ARHGEF3: variants seen among roughly 807,000 people sequenced by gnomAD.
ARHGEF3 encodes the protein Rho guanine nucleotide exchange factor 3.
In ARHGEF3, 28 loss-of-function variants were observed where a neutral mutation model predicts 63.2. The observed-to-expected ratio is 0.44, with a 90% confidence interval of 0.33 to 0.61. The LOEUF (loss-of-function observed/expected upper bound fraction) is 0.61, where lower values mean the gene tolerates loss of function less well. ARHGEF3 is among the 20% of genes least tolerant of loss of function. ARHGEF3 has a pLI of 0.03. For missense variants in ARHGEF3, 533 were observed against 659.3 expected, an observed-to-expected ratio of 0.81 and a Z score of 2.10; for synonymous variants, 266 against 254.2, an observed-to-expected ratio of 1.05 and a Z score of -0.44.
chr3:56,731,707 A>G (rs1471253714), intron 9 of ARHGEF3: 1 of 157,634 alleles, frequency 6.3e-6, no homozygotes, highest in East Asian at 1.8e-4. Flanking sequence ...TTCACCGAGT[A>G]TCATGTTAGA....
At position 56,997,943 on chromosome 3, in the gene ARHGEF3, G is replaced by A. The variant is rs1249127198; in HGVS notation, c.62+37145C>T. Among the ~76,000 whole-genome samples, 8 of 152,284 alleles carry A rather than the reference G, an allele frequency of 5.3e-5. No individual in the cohort carries two copies. In the South Asian group the frequency reaches 1.2e-3, roughly 24 times the overall value. On this transcript the variant is annotated intron_variant, in intron 2 of 12. Transcript: ENST00000338458. ...GAACGTGTGTACAGTTGAAGGCAAC[G>A]TCACATGCAAGCTCTTCTGGCCTCT...
intron 3 of ARHGEF3, among the ~76,000 whole-genome samples, chr3:56,947,986 G>A (rs555118974): frequency 1.4e-4 from 22 of 152,180 alleles, no homozygotes; most frequent in Admixed American, 5.9e-4. Flanking sequence ...ACTCAAAACC[G>A]CTCAACTACA....
chr3:56,994,371 AC>A (rs1701893205), intron 2 of ARHGEF3, among the ~76,000 whole-genome samples: 1 of 152,198 alleles, frequency 6.6e-6, no homozygotes, highest in Non-Finnish European at 1.5e-5. Flanking sequence ...TGTGTTGGGC[AC>A]TGACCTGAAT....
At chr3:56,805,597 C>T (rs1319235147), upstream of ARHGEF3, among the ~76,000 whole-genome samples, 1 of 152,196 alleles carries the variant, frequency 6.6e-6, no homozygotes, top group African/African-American at 2.4e-5. Flanking sequence ...AATGAACAGT[C>T]ATATTGATTG....
At chr3:57,022,702 C>T (rs1422304654) in intron 2 of ARHGEF3, among the ~76,000 whole-genome samples, 2 of 151,862 alleles carry the variant, frequency 1.3e-5, no homozygotes, top group Non-Finnish European at 2.9e-5. Context: ...CCCGAGACTG[C>T]CCTGTCCAGT....
At chr3:56,922,179 G>T (rs2042161262) in intron 3 of ARHGEF3, among the ~76,000 whole-genome samples, 2 of 152,066 alleles carry the variant, frequency 1.3e-5, no homozygotes. Flanking sequence ...GCCACCTGAA[G>T]AATTTCTGCA....
chr3:56,868,933 T>A (rs2040345288), intron 4 of ARHGEF3, among the ~76,000 whole-genome samples: 1 of 152,172 alleles, frequency 6.6e-6, no homozygotes, highest in Non-Finnish European at 1.5e-5. Flanking sequence ...TAAATGCCAG[T>A]TGATTGAATT....
intron 3 of ARHGEF3, chr3:56,916,278 C>T (rs1259211194): frequency 1.3e-6 from 2 of 1,531,976 alleles, no homozygotes; most frequent in East Asian, 2.5e-5. Flanking sequence ...TGAGAGCCGG[C>T]CCATCCCAGG....
chr3:56,812,790 A>G (rs888397325), intron 4 of ARHGEF3, among the ~76,000 whole-genome samples: 2 of 152,232 alleles, frequency 1.3e-5, no homozygotes, highest in Admixed American at 6.5e-5. Context: ...AAAGAAGCCA[A>G]AGGAAGAAGG....
chr3:56,935,678 G>A (rs1463887259), intron 3 of ARHGEF3, among the ~76,000 whole-genome samples: 3 of 151,700 alleles, frequency 2.0e-5, no homozygotes, highest in African/African-American at 7.3e-5. Flanking sequence ...GCGAGACCAC[G>A]AACCCACCAG....
chr3:56,775,170 T>C, intron 1 of ARHGEF3: 5 of 1,525,592 alleles, frequency 3.3e-6, no homozygotes, highest in Non-Finnish European at 4.4e-6. Flanking sequence ...CTTTCAAAGT[T>C]TCGAGGGTTA....
intron 2 of ARHGEF3, among the ~76,000 whole-genome samples, chr3:56,757,318 C>T (rs962503897): frequency 2.6e-5 from 4 of 151,984 alleles, no homozygotes; most frequent in African/African-American, 9.7e-5. Context: ...ACTAAAAGTA[C>T]AAAAATTAGC....
At chr3:56,919,407 G>A (rs2042068975) in intron 3 of ARHGEF3, among the ~76,000 whole-genome samples, 1 of 152,102 alleles carries the variant, frequency 6.6e-6, no homozygotes, top group South Asian at 2.1e-4. Flanking sequence ...AAAATAGAAT[G>A]ATAACATTGT....
intron 4 of ARHGEF3, among the ~76,000 whole-genome samples, chr3:56,832,019 G>T (rs2038948589): frequency 6.6e-6 from 1 of 152,176 alleles, no homozygotes; most frequent in Non-Finnish European, 1.5e-5. Flanking sequence ...GTATAATGAT[G>T]ACTTTGGTCG....
At chr3:56,836,502 A>G (rs1341213462) in intron 4 of ARHGEF3, among the ~76,000 whole-genome samples, 1 of 152,166 alleles carries the variant, frequency 6.6e-6, no homozygotes, top group East Asian at 1.9e-4. Flanking sequence ...GAGTCCCTAC[A>G]ATCATGTTTG....
intron 8 of ARHGEF3, among the ~76,000 whole-genome samples, chr3:56,734,066 A>C (rs1185016921): frequency 6.6e-6 from 1 of 151,728 alleles, no homozygotes; most frequent in Non-Finnish European, 1.5e-5. Flanking sequence ...GAAGAGGGTT[A>C]AAAAGTTGAC....
At chr3:57,073,532 T>TATCA in intron 1 of ARHGEF3, 1 of 1,248,334 alleles carries the variant, frequency 8.0e-7, no homozygotes, top group South Asian at 1.6e-5. Flanking sequence ...TTTGGCTCTG[T>TATCA]TTGAGCACCC....
Position 57,055,175 on chromosome 3 carries a change from T to C in ARHGEF3, c.-27-19999A>G, listed in dbSNP as rs1442528214. Among the ~76,000 whole-genome samples the C allele has an allele frequency of 2.0e-5, 3 of 151,476 alleles. No homozygotes were observed. The East Asian group carries it at 5.8e-4, about 29-fold the overall frequency. On this transcript the variant is annotated intron_variant, in intron 1 of 12. Transcript: ENST00000338458. ...TTTTCTCTTTATGCTTTTTTTTTTTTTTTTGAGACGAAGTCCAACTCTGTT... is the reference window on the plus strand; with the variant it reads ...TTTTCTCTTTATGCTTTTTTTTTTTCTTTTGAGACGAAGTCCAACTCTGTT...
intron 1 of ARHGEF3, among the ~76,000 whole-genome samples, chr3:57,060,229 A>G (rs1392909116): frequency 6.7e-6 from 1 of 149,712 alleles, no homozygotes; most frequent in Non-Finnish European, 1.5e-5. Context: ...TGAGCCTGGG[A>G]GGTCAAGGCT....
Sources: allele counts gnomAD v4.1 joint callset (sites outside exome capture counted in the v4.1 genomes callset), GRCh38; gene constraint gnomAD v4.1.1; transcripts MANE v1.5; gene names NCBI Gene and HGNC (gene_info 2026-07-23, HGNC 2026-07-21).